Variants in ZBTB20 observed in about 807,000 individuals in gnomAD.
The protein encoded by ZBTB20 is zinc finger and BTB domain-containing protein 20.
ZBTB20 carries 9 observed loss-of-function variants against 56.9 expected under a neutral mutation model. That is an observed-to-expected ratio of 0.16 (90% CI 0.10 to 0.28). The LOEUF (loss-of-function observed/expected upper bound fraction) is 0.28, where lower values mean the gene tolerates loss of function less well. ZBTB20 is among the 10% of genes least tolerant of loss of function. The probability of loss-of-function intolerance (pLI) is 1.00; values close to 1 mark genes in which losing one functional copy is unlikely to be tolerated. For missense variants in ZBTB20, 655 were observed against 1,003.0 expected (o/e 0.65, Z 4.69); for synonymous variants, 417 against 420.7 (o/e 0.99, Z 0.11).
In ZBTB20 at chr3:114,339,161, G is replaced by T. The variant is rs139619357; in HGVS notation, c.2070C>A (p.Thr690=). 2,213 of 1,614,094 alleles carry T rather than the reference G, an allele frequency of 1.4e-3. 3 individuals are homozygous for T. The highest frequency in any genetic ancestry group is 2.6e-3 in the South Asian group (239 of 91,086). ...CACCTGGGGGTGTGCCTGCAGGGGG[G>T]GTCCCATTGCTGGCACTGTGCAGGG... ...HVALHSASNG[T]PPAGTPPGAR... Residue 690 remains threonine (T), a synonymous_variant, in exon 12 of 12, where the codon ACC becomes ACA. Coordinates refer to ENST00000675478, the MANE Select transcript of ZBTB20 (RefSeq NM_001348800.3). The surrounding 1 kb of genome is among the most constrained non-coding windows in gnomAD (Gnocchi z 4.2).
chr3:114,839,334 A>C (rs928192747), intron 4 of ZBTB20, among the ~76,000 whole-genome samples: 1 of 151,560 alleles, frequency 6.6e-6, no homozygotes, highest in Non-Finnish European at 1.5e-5. Context: ...GCAGGAGGTC[A>C]AGGCTGCAGC....
intron 5 of ZBTB20, among the ~76,000 whole-genome samples, chr3:114,790,644 A>C (rs2070887612): frequency 6.6e-6 from 1 of 151,840 alleles, no homozygotes; most frequent in Non-Finnish European, 1.5e-5. Context: ...ATTTTTACAC[A>C]GGATGCTCAA....
intron 4 of ZBTB20, among the ~76,000 whole-genome samples, chr3:114,812,055 G>A (rs973129321): frequency 6.6e-6 from 1 of 152,168 alleles, no homozygotes; most frequent in Non-Finnish European, 1.5e-5. Context: ...CCTTTGCGGT[G>A]AGTGTTACAG....
At chr3:114,366,138 C>T (rs1184066163) in intron 10 of ZBTB20, among the ~76,000 whole-genome samples, 1 of 152,174 alleles carries the variant, frequency 6.6e-6, no homozygotes, top group Non-Finnish European at 1.5e-5. Flanking sequence ...CAAGATTCCG[C>T]CCTCCTGAAT....
At chr3:114,736,379 T>C (rs1463107006) in intron 5 of ZBTB20, among the ~76,000 whole-genome samples, 1 of 152,186 alleles carries the variant, frequency 6.6e-6, no homozygotes, top group Non-Finnish European at 1.5e-5. Context: ...ATGACTTGAT[T>C]TTATTCATAA....
At chr3:114,358,418 A>C (rs1364454869) in intron 10 of ZBTB20, among the ~76,000 whole-genome samples, 1 of 152,030 alleles carries the variant, frequency 6.6e-6, no homozygotes, top group Non-Finnish European at 1.5e-5. Flanking sequence ...TCCTCTCTTC[A>C]CTCCACCAAA....
chr3:115,032,166 G>A (rs1338872453), intron 2 of ZBTB20, among the ~76,000 whole-genome samples: 1 of 151,160 alleles, frequency 6.6e-6, no homozygotes, highest in African/African-American at 2.4e-5. Context: ...GAAATGAAAG[G>A]CAACATAACA....
intron 6 of ZBTB20, among the ~76,000 whole-genome samples, chr3:114,585,501 T>A (rs2055089549): frequency 6.6e-6 from 1 of 152,194 alleles, no homozygotes; most frequent in African/African-American, 2.4e-5. Flanking sequence ...GTTCAGAGGA[T>A]GCAGGAAGAA....
intron 7 of ZBTB20, among the ~76,000 whole-genome samples, chr3:114,418,810 G>T (rs1460130468): frequency 6.6e-6 from 1 of 152,090 alleles, no homozygotes; most frequent in Admixed American, 6.6e-5. Flanking sequence ...ACACAGGAAA[G>T]CTATGGCTAC....
At chr3:114,571,559 G>A (rs1269940732) in intron 6 of ZBTB20, among the ~76,000 whole-genome samples, 2 of 152,146 alleles carry the variant, frequency 1.3e-5, no homozygotes, top group Non-Finnish European at 2.9e-5. Flanking sequence ...AAGCCACAGA[G>A]TGGAAGCAGC....
intron 4 of ZBTB20, among the ~76,000 whole-genome samples, chr3:114,834,668 C>G (rs900051990): frequency 6.6e-6 from 1 of 152,032 alleles, no homozygotes; most frequent in South Asian, 2.1e-4. Context: ...CTTGTTCTCT[C>G]TCTCCCTGAA....
intron 1 of ZBTB20, among the ~76,000 whole-genome samples, chr3:115,138,204 A>G (rs2084705981): frequency 6.6e-6 from 1 of 152,010 alleles, no homozygotes; most frequent in African/African-American, 2.4e-5. Flanking sequence ...CTACCTTCCC[A>G]GAACTTTCAG....
chr3:114,720,206 T>G (rs950400025), intron 5 of ZBTB20, among the ~76,000 whole-genome samples: 1 of 149,488 alleles, frequency 6.7e-6, no homozygotes, highest in Non-Finnish European at 1.5e-5. Context: ...GAATACATGC[T>G]TATTGGAAAA....
chr3:114,791,052 T>C (rs941489052), intron 5 of ZBTB20, among the ~76,000 whole-genome samples: 1 of 152,150 alleles, frequency 6.6e-6, no homozygotes, highest in Non-Finnish European at 1.5e-5. Context: ...ATGATATTTA[T>C]AAACTAGCCT....
At chr3:114,458,297 A>G (rs2092140748) in intron 7 of ZBTB20, among the ~76,000 whole-genome samples, 1 of 152,230 alleles carries the variant, frequency 6.6e-6, no homozygotes, top group South Asian at 2.1e-4. Flanking sequence ...TTAAAAAAGC[A>G]TACGAATACA....
chr3:114,710,709 C>T (rs2064014076), intron 5 of ZBTB20, among the ~76,000 whole-genome samples: 1 of 152,182 alleles, frequency 6.6e-6, no homozygotes, highest in South Asian at 2.1e-4. Flanking sequence ...CATAACTGGG[C>T]TACTATGATA....
chr3:115,132,516 T>C (rs2084536486), intron 1 of ZBTB20, among the ~76,000 whole-genome samples: 1 of 152,234 alleles, frequency 6.6e-6, no homozygotes, highest in Admixed American at 6.5e-5. Flanking sequence ...ATTTACCAAC[T>C]GTATATGATA....
intron 1 of ZBTB20, among the ~76,000 whole-genome samples, chr3:115,107,095 T>C (rs2083744878): frequency 6.6e-6 from 1 of 152,214 alleles, no homozygotes; most frequent in African/African-American, 2.4e-5. Context: ...AAAAGTAATC[T>C]TCAACTTTGC....
At chr3:114,600,863 A>G (rs558141021) in intron 6 of ZBTB20, among the ~76,000 whole-genome samples, 2 of 151,984 alleles carry the variant, frequency 1.3e-5, no homozygotes, top group African/African-American at 2.4e-5. Flanking sequence ...AGGCCAAGCT[A>G]TATATTTACA....
Sources: gnomAD v4.1 joint callset for allele counts (sites outside exome capture counted in the v4.1 genomes callset) on GRCh38, gnomAD v4.1.1 for gene constraint, Gnocchi (gnomAD v3.1) non-coding constraint, MANE v1.5 for transcripts, NCBI Gene and HGNC (gene_info 2026-07-23, HGNC 2026-07-21) for gene names.